TRANK1: variants seen among roughly 807,000 people sequenced by gnomAD.
TRANK1 encodes tetratricopeptide repeat and ankyrin repeat containing 1, also known as TPR and ankyrin repeat-containing protein 1.
Under a neutral mutation model 266.0 loss-of-function variants are expected in TRANK1, and 198 were observed. The ratio of observed to expected loss-of-function variants is 0.74; its 90% CI spans 0.66 to 0.84. The LOEUF (loss-of-function observed/expected upper bound fraction) is 0.84. Among genes scored for constraint, TRANK1 ranks in the 40% least tolerant of loss-of-function variants. The pLI is 0.00. For missense variants in TRANK1, 3,326 were observed against 3,634.6 expected (o/e 0.92, Z 2.18); for synonymous variants, 1,396 against 1,384.1 (o/e 1.01, Z -0.19).
rs757758831 is a variant in TRANK1 at position 36,856,227 on chromosome 3, G to A, written c.3495C>T (p.Ala1165=). The A allele has an allele frequency of 2.0e-5, 32 of 1,613,502 alleles. No individual in the cohort carries two copies. The highest frequency in any genetic ancestry group is 1.7e-4 in the Admixed American group (10 of 59,966). Residue 1165 remains alanine (A), a synonymous_variant, in exon 13 of 24, where the codon GCC becomes GCT. Coordinates refer to ENST00000645898, the MANE Select transcript of TRANK1 (RefSeq NM_001329998.2). ...EQEYEACAGG[A]GVEPAGDGQA... is the part of the protein sequence containing the mutation. ...GGCCGTCCCCTGCTGGCTCCACACC[G>A]GCTCCTCCTGCGCAGGCTTCATACT...
Position 36,857,548 on chromosome 3 carries a change from G to T in TRANK1, c.2174C>A (p.Pro725His). 6.2e-7 allele frequency: 1 copy of T among 1,613,998 alleles called. No homozygotes were observed. The highest frequency in any genetic ancestry group is 1.3e-5 in the African/African-American group (1 of 75,038). The change falls in exon 13 of 24, where the codon CCC becomes CAC. Residue 725 changes from proline to histidine, a missense_variant. Physicochemically the swap from Pro to His is moderately conservative, Grantham distance 77. Coordinates refer to ENST00000645898, the MANE Select transcript of TRANK1 (RefSeq NM_001329998.2). This position sits in a 1 kb window ranked among gnomAD's most constrained non-coding sequence, Gnocchi z 4.3. The stretch of plus-strand genomic sequence containing the variant: ...CATAAGGCAGTCTCTCAGCGAGCAG[G>T]GCCTGAGAGCTCCAGGCTCCTTCCT... ...VTRKEPGALRPCSLRDCLMQD... is the reference protein window; with the variant it reads ...VTRKEPGALRHCSLRDCLMQD...
intron 8 of TRANK1, among the ~76,000 whole-genome samples, chr3:36,885,930 A>G (rs904235366): frequency 6.6e-6 from 1 of 152,084 alleles, no homozygotes; most frequent in Non-Finnish European, 1.5e-5. Context: ...ACTTTTCTAT[A>G]AGTCTAAAAT....
Position 36,856,198 on chromosome 3 carries a change from G to A in TRANK1, c.3524C>T (p.Ala1175Val). ...ATGTTCTGGTGCACATACTTCTGCA[G>A]CTTGGCCGTCCCCTGCTGGCTCCAC... ...AGVEPAGDGQ[A>V]AEVCAPEHPH... Residue 1175 changes from alanine (A) to valine (V), a missense_variant, in exon 13 of 24, where the codon GCT becomes GTT. Coordinates refer to ENST00000645898, the MANE Select transcript of TRANK1 (RefSeq NM_001329998.2). 6.2e-7 allele frequency: 1 copy of A among 1,613,910 alleles called. No individual in the cohort carries two copies. Among genetic ancestry groups the A allele is most frequent in the Non-Finnish European group, 8.5e-7 (1 of 1,179,854 alleles).
chr3:36,945,496 G>A (rs1047884184), upstream of TRANK1, among the ~76,000 whole-genome samples: 3 of 152,186 alleles, frequency 2.0e-5, no homozygotes, highest in Non-Finnish European at 4.4e-5. Context: ...GGGAGGCTGG[G>A]GGTCCGGGAG....
intron 9 of TRANK1, among the ~76,000 whole-genome samples, chr3:36,869,201 A>C (rs576429834): frequency 1.2e-4 from 19 of 152,376 alleles, no homozygotes; most frequent in Admixed American, 1.2e-3. Context: ...GCTGAATCAA[A>C]ACATGCATTT....
In TRANK1 at chr3:36,827,949, G is replaced by A. The variant is rs895094253; in HGVS notation, c.*326C>T. 1.7e-5 allele frequency: 4 copies of A among 239,990 alleles called. No homozygotes were observed. Among genetic ancestry groups the A allele is most frequent in the East Asian group, 1.9e-4 (2 of 10,292 alleles). 14.9% of individuals were successfully genotyped at this position (239,990 alleles called of 1,614,324 possible). Reference sequence around the variant, plus strand: ...ACCTAGTCCTCTGCTACCAACTCATGTCATGATGGGGATGAGCCAGACACC... The same window carrying A: ...ACCTAGTCCTCTGCTACCAACTCATATCATGATGGGGATGAGCCAGACACC... On this transcript the variant is annotated 3_prime_UTR_variant, in exon 24 of 24. Transcript: ENST00000645898.
chr3:36,861,158 T>G lies in TRANK1; in HGVS notation c.1243A>C (p.Ile415Leu). Residue 415 changes from isoleucine to leucine, a missense_variant and splice_region_variant, in exon 11 of 24, where the codon ATT (isoleucine) becomes CTT (leucine). Ile to Leu is a conservative substitution (Grantham distance 5). Transcript: ENST00000645898. ...ATATCACAGACCAGGTCAGGAGGAA[T>G]TTCTTTCAAAAATAAGAGTAAGACA... ...FLRLLSTLQE[I>L]PPDLVCDINQ... is the part of the protein sequence containing the mutation. 4 of 1,535,516 alleles carry G rather than the reference T, an allele frequency of 2.6e-6. No homozygotes were observed. Among genetic ancestry groups the G allele is most frequent in the South Asian group, 2.4e-5 (2 of 83,892 alleles).
chr3:36,935,689 C>T (rs1024517275), intron 1 of TRANK1, among the ~76,000 whole-genome samples: 13 of 152,206 alleles, frequency 8.5e-5, no homozygotes, highest in African/African-American at 2.4e-4. Flanking sequence ...TGAGGTGATC[C>T]GCCCATCTCG....
chr3:36,879,917 T>C (rs1264426642), intron 8 of TRANK1, among the ~76,000 whole-genome samples: 1 of 67,092 alleles, frequency 1.5e-5, no homozygotes, highest in African/African-American at 8.1e-5. Context: ...CATGCAAATA[T>C]ATGTAAACAT....
rs2078969611 is a variant in TRANK1, at chr3:36,850,307, G to T, written c.4887+1412C>A. On this transcript the variant is annotated intron_variant, in intron 15 of 23. Coordinates refer to ENST00000645898, the MANE Select transcript of TRANK1 (RefSeq NM_001329998.2). ...TTTAACAGGAAAGGAATGTACATAAGGAACAGCAATGATACACTAATTGTG... is the reference window on the plus strand; with the variant it reads ...TTTAACAGGAAAGGAATGTACATAATGAACAGCAATGATACACTAATTGTG... 3 of 985,290 alleles carry T rather than the reference G, an allele frequency of 3.0e-6. No individual in the cohort carries two copies. The African/African-American group carries it at 5.2e-5, about 17-fold the overall frequency. 61.0% of individuals were successfully genotyped at this position (985,290 alleles called of 1,614,324 possible).
chr3:36,944,493 C>A (rs2080543249), intron 1 of TRANK1, among the ~76,000 whole-genome samples: 1 of 152,182 alleles, frequency 6.6e-6, no homozygotes, highest in Admixed American at 6.5e-5. Flanking sequence ...CCGAGAGCTG[C>A]GGCTTCGATG....
intron 17 of TRANK1, 57 bp from the exon 18 acceptor site, chr3:36,842,767 G>C: frequency 6.8e-7 from 1 of 1,479,912 alleles, no homozygotes; most frequent in African/African-American, 1.4e-5. Flanking sequence ...ACTTAAAACT[G>C]TTGTTATGGG....
intron 3 of TRANK1, among the ~76,000 whole-genome samples, chr3:36,900,875 A>AAAAAAAAAAAAAAAAAAATAAAT: frequency 6.8e-6 from 1 of 147,354 alleles, no homozygotes. Flanking sequence ...AAAAAAAAAA[A>AAAAAAAAAAAAAAAAAAATAAAT]AGATAACAGG....
At chr3:36,879,305 C>T (rs12629833) in intron 8 of TRANK1, among the ~76,000 whole-genome samples, 49,934 of 151,282 alleles carry the variant, frequency 0.33, 9,249 homozygotes, top group East Asian at 0.57. Context: ...AATCTGTTCC[C>T]TACTGCAGAG....
chr3:36,828,418 G>T, intron 23 of TRANK1, 43 bp from the exon 24 acceptor site: 1 of 447,674 alleles, frequency 2.2e-6, no homozygotes. Flanking sequence ...GGAAAGAAGG[G>T]AGGGAGGGAG....
rs372274348 is a variant in TRANK1, at chr3:36,942,112, C to A, written c.23+2675G>T. Among the ~76,000 whole-genome samples the A allele has an allele frequency of 7.4e-4, 113 of 152,220 alleles. 2 individuals carry two copies. The highest frequency in any genetic ancestry group is 2.7e-3 in the African/African-American group (111 of 41,526). On this transcript the variant is annotated intron_variant, in intron 1 of 23. Coordinates refer to ENST00000645898, the MANE Select transcript of TRANK1 (RefSeq NM_001329998.2). ...TGGCTGCTAAAATAATCTTCATCCCCAAAAGCAAAGATAAAATAATGAGGG... is the reference window on the plus strand; with the variant it reads ...TGGCTGCTAAAATAATCTTCATCCCAAAAAGCAAAGATAAAATAATGAGGG...
At chr3:36,942,952 G>C (rs368416013) in intron 1 of TRANK1, among the ~76,000 whole-genome samples, 1 of 151,936 alleles carries the variant, frequency 6.6e-6, no homozygotes, top group African/African-American at 2.4e-5. Context: ...AGGCAGAAGC[G>C]GGTGGATCAC....
rs2078742649 is a variant in TRANK1 at position 36,834,630 on chromosome 3, TC to T, written c.5663+131del. Reference sequence around the variant, plus strand: ...AGCTGCTGACCCAGCACTGAGGCCATCGCTTAAGTGGAAAGGGAGCAATGTG... The same window carrying T: ...AGCTGCTGACCCAGCACTGAGGCCATGCTTAAGTGGAAAGGGAGCAATGTG... On this transcript the variant is annotated intron_variant, in intron 21 of 23. Coordinates refer to ENST00000645898, the MANE Select transcript of TRANK1 (RefSeq NM_001329998.2). 3 of 1,021,416 alleles carry T rather than the reference TC, an allele frequency of 2.9e-6. No individual in the cohort carries two copies. The South Asian group carries it at 5.0e-5, about 17-fold the overall frequency. 63.3% of individuals were successfully genotyped at this position (1,021,416 alleles called of 1,614,324 possible).
intron 9 of TRANK1, among the ~76,000 whole-genome samples, chr3:36,869,752 C>T (rs2079278723): frequency 6.6e-6 from 1 of 152,248 alleles, no homozygotes; most frequent in Non-Finnish European, 1.5e-5. Context: ...CACTAACTTA[C>T]ATAAAATTAC....
Sources: allele counts gnomAD v4.1 joint callset (sites outside exome capture counted in the v4.1 genomes callset), GRCh38; gene constraint gnomAD v4.1.1; non-coding constraint Gnocchi (gnomAD v3.1); transcripts MANE v1.5; gene names NCBI Gene and HGNC (gene_info 2026-07-23, HGNC 2026-07-21).